The following PLXNA4 variants were observed in gnomAD, a reference collection of about 807,000 sequenced individuals.
The protein encoded by PLXNA4 is plexin A4.
A neutral mutation model predicts 191.8 loss-of-function variants in PLXNA4; 44 were observed. The observed-to-expected ratio is 0.23, with a 90% CI of 0.18 to 0.29. PLXNA4 has a LOEUF of 0.29. PLXNA4 is among the 10% of genes least tolerant of loss of function. PLXNA4 has a pLI of 1.00. For synonymous variants in PLXNA4, 1,082 were observed against 1,009.5 expected (o/e 1.07, Z -1.36); for missense variants, 1,800 against 2,488.8 (o/e 0.72, Z 5.89).
In PLXNA4 at chr7:132,511,011, T is replaced by C. The variant is rs565964518; in HGVS notation, c.-86-2232A>G. Among the ~76,000 whole-genome samples the C allele has an allele frequency of 6.2e-5, 9 of 145,194 alleles. No individual in the cohort carries two copies. In the East Asian group the frequency reaches 1.8e-3, roughly 29 times the overall value. On this transcript the variant is annotated intron_variant, in intron 1 of 31. Transcript: ENST00000321063. ...CCAGAGAGGAGCCTCTCCCTTTCCA[T>C]TTAGCCTTAGCCTTTGCAGAAGGAG...
chr7:132,451,643 T>A (rs1395728132), intron 3 of PLXNA4, among the ~76,000 whole-genome samples: 1 of 152,210 alleles, frequency 6.6e-6, no homozygotes, highest in Non-Finnish European at 1.5e-5. Context: ...TAAAGGGCAG[T>A]GAGCTGAGCT....
intron 2 of PLXNA4, among the ~76,000 whole-genome samples, chr7:132,626,343 T>C (rs6946077): frequency 0.12 from 18,172 of 152,224 alleles, 1,203 homozygotes; most frequent in Non-Finnish European, 0.14. Flanking sequence ...GAGAGTGCTG[T>C]CGGTGCTCAG....
chr7:132,628,849 T>C (rs1803436491), intron 2 of PLXNA4, among the ~76,000 whole-genome samples: 1 of 152,254 alleles, frequency 6.6e-6, no homozygotes, highest in African/African-American at 2.4e-5. Context: ...ATCATGAGGA[T>C]ATTTTTTGTT....
chr7:132,414,407 G>A (rs947363991), intron 3 of PLXNA4, among the ~76,000 whole-genome samples: 2 of 152,094 alleles, frequency 1.3e-5, no homozygotes, highest in Non-Finnish European at 2.9e-5. Context: ...TTGCTGCACT[G>A]CTAAAGACTT....
chr7:132,550,986 G>A (rs1003749338), intron 1 of PLXNA4, among the ~76,000 whole-genome samples: 9 of 152,056 alleles, frequency 5.9e-5, no homozygotes, highest in East Asian at 1.9e-4. Context: ...GCACCCACTC[G>A]GTCCTCCGTG....
chr7:132,222,390 G>A (rs946484376), intron 9 of PLXNA4, among the ~76,000 whole-genome samples: 1 of 152,200 alleles, frequency 6.6e-6, no homozygotes, highest in Non-Finnish European at 1.5e-5. Context: ...TTTGGCCAAA[G>A]GTAGGATTCT....
At chr7:132,354,994 C>A (rs1011125894) in intron 3 of PLXNA4, among the ~76,000 whole-genome samples, 8 of 152,208 alleles carry the variant, frequency 5.3e-5, no homozygotes, top group Non-Finnish European at 8.8e-5. Context: ...TTAGGTGAAA[C>A]TCTCCACGAT....
At chr7:132,572,119 G>A (rs1182399544) in intron 1 of PLXNA4, among the ~76,000 whole-genome samples, 1 of 152,154 alleles carries the variant, frequency 6.6e-6, no homozygotes, top group Non-Finnish European at 1.5e-5. Context: ...GCAGTACAGT[G>A]AGCACATATA....
intron 7 of PLXNA4, among the ~76,000 whole-genome samples, chr7:132,226,524 G>T (rs2116972405): frequency 6.6e-6 from 1 of 152,354 alleles, no homozygotes; most frequent in Non-Finnish European, 1.5e-5. Flanking sequence ...ATTCAAATGT[G>T]CATTTGCATG....
At chr7:132,325,760 C>A (rs778653108) in intron 3 of PLXNA4, among the ~76,000 whole-genome samples, 2 of 152,150 alleles carry the variant, frequency 1.3e-5, no homozygotes, top group Admixed American at 6.5e-5. Flanking sequence ...ATGCCCCAGG[C>A]CACCCAGTTT....
At chr7:132,232,721 T>C (rs1798563819) in intron 5 of PLXNA4, among the ~76,000 whole-genome samples, 1 of 151,838 alleles carries the variant, frequency 6.6e-6, no homozygotes, top group African/African-American at 2.4e-5. Flanking sequence ...CCCAGCCAAG[T>C]GGAAAATTAG....
At chr7:132,630,514 T>G (rs1803473634) in intron 2 of PLXNA4, among the ~76,000 whole-genome samples, 1 of 151,312 alleles carries the variant, frequency 6.6e-6, no homozygotes, top group Non-Finnish European at 1.5e-5. Flanking sequence ...GTTTTTTTGT[T>G]TTTTTGTTTT....
intron 3 of PLXNA4, among the ~76,000 whole-genome samples, chr7:132,401,042 A>C (rs1376227823): frequency 6.6e-6 from 1 of 152,174 alleles, no homozygotes; most frequent in Non-Finnish European, 1.5e-5. Flanking sequence ...TCAGGTCTCT[A>C]GGGCCTGTGA....
chr7:132,383,639 C>A, intron 3 of PLXNA4: 1 of 982,544 alleles, frequency 1.0e-6, no homozygotes, highest in Non-Finnish European at 1.2e-6. Context: ...CATAAATATA[C>A]CAAATCTACC....
chr7:132,180,506 T>C (rs1796669206), intron 19 of PLXNA4, 80 bp downstream of exon 19: 1 of 1,581,988 alleles, frequency 6.3e-7, no homozygotes. Context: ...GAATCCCCTC[T>C]TGGAAAGCCT....
At chr7:132,461,750 C>T (rs1444262959) in intron 3 of PLXNA4, among the ~76,000 whole-genome samples, 2 of 152,198 alleles carry the variant, frequency 1.3e-5, no homozygotes, top group African/African-American at 4.8e-5. Flanking sequence ...TGCTCTAAGA[C>T]AGCGGAGTCA....
chr7:132,246,109 G>T (rs1799041624), intron 4 of PLXNA4, among the ~76,000 whole-genome samples: 1 of 152,182 alleles, frequency 6.6e-6, no homozygotes, highest in African/African-American at 2.4e-5. Flanking sequence ...CACAATAAAA[G>T]AGTTGAAATA....
intron 3 of PLXNA4, among the ~76,000 whole-genome samples, chr7:132,468,985 G>A (rs1796815506): frequency 6.6e-6 from 1 of 151,860 alleles, no homozygotes; most frequent in Non-Finnish European, 1.5e-5. Context: ...CTTCCAGCCT[G>A]GAGGGCGACC....
At chr7:132,276,450 T>C (rs10954370) in intron 4 of PLXNA4, among the ~76,000 whole-genome samples, 76,504 of 151,740 alleles carry the variant, frequency 0.5, 20,860 homozygotes, top group African/African-American at 0.71. Flanking sequence ...ACCCCCCCTT[T>C]CCCACCCTTT....
Sources: allele counts gnomAD v4.1 joint callset (sites outside exome capture counted in the v4.1 genomes callset), GRCh38; gene constraint gnomAD v4.1.1; transcripts MANE v1.5; gene names NCBI Gene and HGNC (gene_info 2026-07-23, HGNC 2026-07-21).